Variants in MID1 observed in about 807,000 individuals in gnomAD.
MID1 encodes E3 ubiquitin-protein ligase Midline-1.
MID1 carries 7 observed loss-of-function variants against 40.4 expected under a neutral mutation model. That is an observed-to-expected ratio of 0.17 (90% CI 0.10 to 0.33). MID1 has a LOEUF of 0.33. Among genes scored for constraint, MID1 ranks in the 10% least tolerant of loss-of-function variants. The pLI is 1.00. For synonymous variants in MID1, 229 were observed against 221.2 expected, an observed-to-expected ratio of 1.04 and a Z score of -0.31; for missense variants, 367 against 558.5, an observed-to-expected ratio of 0.66 and a Z score of 3.46.
chrX:10,812,737 C>T (rs993990420), intron 1 of MID1, among the ~76,000 whole-genome samples: 15 of 111,560 alleles, frequency 1.3e-4, no homozygotes, highest in Non-Finnish European at 2.6e-4. Flanking sequence ...ACTGTCCTTC[C>T]GGCTGCCAGT....
At chrX:10,591,855 C>T (rs918571218) in intron 1 of MID1, among the ~76,000 whole-genome samples, 7 of 110,920 alleles carry the variant, frequency 6.3e-5, no homozygotes, top group African/African-American at 2.3e-4. Flanking sequence ...CTATTTTTTC[C>T]CCCGGGTCTA....
chrX:10,590,680 T>C (rs1042653273), intron 1 of MID1, among the ~76,000 whole-genome samples: 15 of 112,646 alleles, frequency 1.3e-4, no homozygotes, highest in Admixed American at 1.2e-3. Context: ...TTTTAAAACA[T>C]ATTCTCAAGG....
chrX:10,453,346 TAA>T (rs1255099909), intron 9 of MID1, among the ~76,000 whole-genome samples: 3 of 112,038 alleles, frequency 2.7e-5, no homozygotes, highest in African/African-American at 9.7e-5. Context: ...TTTTTATATA[TAA>T]ATAAGTGTTT....
At chrX:10,712,534 AGAG>A (rs1398398592) in intron 1 of MID1, among the ~76,000 whole-genome samples, 1 of 111,102 alleles carries the variant, frequency 9.0e-6, no homozygotes, top group Non-Finnish European at 1.9e-5. Flanking sequence ...GGGAAGAATC[AGAG>A]GAGAAGAAAT....
At chrX:10,714,383 ACCC>A (rs1046071852) in intron 1 of MID1, among the ~76,000 whole-genome samples, 6 of 111,366 alleles carry the variant, frequency 5.4e-5, no homozygotes, top group African/African-American at 2.0e-4. Context: ...AGTATTGAGG[ACCC>A]TCAATCCCAA....
chrX:10,643,303 T>C (rs1359746516), intron 1 of MID1, among the ~76,000 whole-genome samples: 1 of 111,261 alleles, frequency 9.0e-6, no homozygotes, highest in African/African-American at 3.3e-5. Context: ...ACAAAGAACT[T>C]AAACAAATTT....
intron 1 of MID1, among the ~76,000 whole-genome samples, chrX:10,640,667 A>C (rs752261359): frequency 0.019 from 2,098 of 111,417 alleles, 52 homozygotes; most frequent in African/African-American, 0.065. Context: ...AAGCGGACCT[A>C]ATAGACATCT....
intron 1 of MID1, among the ~76,000 whole-genome samples, chrX:10,771,390 T>C (rs1447533233): frequency 8.9e-6 from 1 of 111,783 alleles, no homozygotes; most frequent in Non-Finnish European, 1.9e-5. Flanking sequence ...AAAACTATTT[T>C]TGCATCCCCT....
intron 1 of MID1, among the ~76,000 whole-genome samples, chrX:10,793,877 C>A (rs1399225960): frequency 8.9e-6 from 1 of 111,745 alleles, no homozygotes; most frequent in African/African-American, 3.3e-5. Context: ...CTATTTTAAT[C>A]CTTTGTAAAG....
intron 8 of MID1, among the ~76,000 whole-genome samples, chrX:10,459,052 C>T (rs781369551): frequency 2.2e-4 from 25 of 111,396 alleles, no homozygotes; most frequent in South Asian, 1.1e-3. Context: ...CTCTGTGATG[C>T]GCACTGTCCT....
At chrX:10,687,187 G>A (rs2043104557) in intron 1 of MID1, among the ~76,000 whole-genome samples, 1 of 111,482 alleles carries the variant, frequency 9.0e-6, no homozygotes, top group African/African-American at 3.3e-5. Context: ...AACATAGTTG[G>A]GCCAAATAGA....
intron 1 of MID1, among the ~76,000 whole-genome samples, chrX:10,829,893 T>G (rs1029995839): frequency 8.9e-6 from 1 of 111,946 alleles, no homozygotes; most frequent in African/African-American, 3.2e-5. Flanking sequence ...GCTAATAATT[T>G]CCAGTGATTA....
At chrX:10,819,803 T>C (rs1272859951) in intron 1 of MID1, among the ~76,000 whole-genome samples, 1 of 111,849 alleles carries the variant, frequency 8.9e-6, no homozygotes. Context: ...GTAAGAGCCA[T>C]ATTTTATTGA....
At chrX:10,592,818 C>CTTTT (rs1935336315) in intron 1 of MID1, among the ~76,000 whole-genome samples, 1 of 110,947 alleles carries the variant, frequency 9.0e-6, no homozygotes, top group African/African-American at 3.3e-5. Context: ...TCTCAATTAA[C>CTTTT]TTAAAAAAAA....
Position 10,680,908 on chromosome X carries a change from G to A in MID1, c.-186-60489C>T, listed in dbSNP as rs749516711. ...AAAAATGCACTGGGTGTGGTGGCGC[G>A]GCCTGTATTCAGCAGGCTGAGGTGG... is the stretch of plus-strand genomic sequence containing the variant. On this transcript the variant is annotated intron_variant, in intron 1 of 10. Coordinates refer to the MID1 transcript ENST00000380785. Among the ~76,000 whole-genome samples the A allele has an allele frequency of 1.5e-4, 16 of 108,244 alleles. No individual in the cohort carries two copies. In the South Asian group the frequency reaches 1.6e-3, roughly 11 times the overall value. The allele number at this position is 108,244 out of a possible 115,157, so 94.0% of individuals were successfully genotyped here. A position where few individuals can be genotyped will look rare whatever the true frequency, so the allele number is the denominator to read the frequency against.
intron 1 of MID1, among the ~76,000 whole-genome samples, chrX:10,758,657 A>AT (rs1270311855): frequency 1.9e-4 from 20 of 107,185 alleles, no homozygotes; most frequent in Non-Finnish European, 2.7e-4. Context: ...CGCCCAGCTA[A>AT]TTTTTTTGTA....
intron 1 of MID1, among the ~76,000 whole-genome samples, chrX:10,638,316 G>A (rs1464753996): frequency 1.8e-5 from 2 of 112,210 alleles, no homozygotes; most frequent in African/African-American, 6.5e-5. Flanking sequence ...CTAATACTGT[G>A]CTTTTCCAAT....
intron 1 of MID1, among the ~76,000 whole-genome samples, chrX:10,633,863 A>C (rs756917590): frequency 9.0e-6 from 1 of 111,671 alleles, no homozygotes; most frequent in South Asian, 3.8e-4. Context: ...GGTAGATGAA[A>C]AGATTTCCTC....
chrX:10,477,650 G>A (rs1180118068), intron 5 of MID1, among the ~76,000 whole-genome samples: 2 of 111,956 alleles, frequency 1.8e-5, no homozygotes, highest in East Asian at 2.8e-4. Flanking sequence ...GGCTGTTAGC[G>A]CTATGCCACT....
Sources: gnomAD v4.1 joint callset for allele counts (sites outside exome capture counted in the v4.1 genomes callset) on GRCh38, gnomAD v4.1.1 for gene constraint, MANE v1.5 for transcripts, NCBI Gene and HGNC (gene_info 2026-07-23, HGNC 2026-07-21) for gene names.